TIAM2: variants seen among roughly 807,000 people sequenced by gnomAD.
TIAM2 encodes rho guanine nucleotide exchange factor TIAM2.
TIAM2 carries 80 observed loss-of-function variants against 152.9 expected under a neutral mutation model. The observed-to-expected ratio is 0.52, with a 90% CI of 0.44 to 0.63. The LOEUF is 0.63. Ranked by LOEUF, TIAM2 falls within the 30% of genes least tolerant of loss-of-function variation. The pLI is 0.00. For missense variants in TIAM2, 1,965 were observed against 2,120.1 expected, an observed-to-expected ratio of 0.93 and a Z score of 1.44; for synonymous variants, 804 against 838.0, an observed-to-expected ratio of 0.96 and a Z score of 0.70.
intron 7 of TIAM2, among the ~76,000 whole-genome samples, chr6:155,161,730 GC>G (rs1171104529): frequency 8.5e-6 from 1 of 118,020 alleles, no homozygotes; most frequent in African/African-American, 3.1e-5. Context: ...ACCACACCTG[GC>G]TAATGTTTTT....
At chr6:155,089,547 C>T (rs886300782) in intron 1 of TIAM2, among the ~76,000 whole-genome samples, 1 of 152,310 alleles carries the variant, frequency 6.6e-6, no homozygotes, top group Non-Finnish European at 1.5e-5. Flanking sequence ...TCCTTTGGCA[C>T]TACCCACTTG....
At chr6:155,124,619 C>A (rs1433884782) in intron 2 of TIAM2, among the ~76,000 whole-genome samples, 2 of 152,224 alleles carry the variant, frequency 1.3e-5, no homozygotes, top group Admixed American at 6.5e-5. Flanking sequence ...GCATGAGCCA[C>A]CACACCCAGC....
At position 155,144,657 on chromosome 6, in the gene TIAM2, G is replaced by C; in HGVS notation, c.1682G>C (p.Ser561Thr). 1.2e-6 allele frequency: 2 copies of C among 1,601,730 alleles called. No individual in the cohort carries two copies. The highest frequency in any genetic ancestry group is 1.7e-6 in the Non-Finnish European group (2 of 1,175,612). ...ETYGKNSMDQ[S>T]SAPRCALFAE... The stretch of plus-strand genomic sequence containing the variant: ...TATGGGAAGAATTCCATGGATCAGA[G>C]CAGTGCCCCTCGGTGTGCTCTGTTT... The change falls in exon 6 of 27, where the codon AGC becomes ACC. Residue 561 changes from serine to threonine, a missense_variant. By Grantham distance (58) the Ser-to-Thr change is moderately conservative. Transcript: ENST00000682666.
chr6:155,124,169 C>T (rs967988276), intron 2 of TIAM2, among the ~76,000 whole-genome samples: 3 of 151,842 alleles, frequency 2.0e-5, no homozygotes, highest in Admixed American at 1.3e-4. Context: ...CAGGTGTGTG[C>T]CCTCACACTC....
In TIAM2 at chr6:155,122,501, G is replaced by C. The variant is rs113549618; in HGVS notation, c.-117-4989G>C. Reference sequence around the variant, plus strand: ...GAAGGTAGGATTTTGGGGATTGGGAGGGAATGGAGAATGGATGGTAGGATT... The same window carrying C: ...GAAGGTAGGATTTTGGGGATTGGGACGGAATGGAGAATGGATGGTAGGATT... On this transcript the variant is annotated intron_variant, in intron 2 of 26. Coordinates refer to ENST00000682666, the MANE Select transcript of TIAM2 (RefSeq NM_012454.4). 5.2e-3 allele frequency among the ~76,000 whole-genome samples: 700 copies of C among 135,004 alleles called. 7 individuals carry two copies. Among genetic ancestry groups the C allele is most frequent in the African/African-American group, 0.013 (452 of 34,106 alleles). The allele number at this position is 135,004 out of a possible 152,430, so 88.6% of individuals were successfully genotyped here. A position where few individuals can be genotyped will look rare whatever the true frequency, so the allele number is the denominator to read the frequency against.
At chr6:155,216,358 C>T (rs1781861531) in intron 15 of TIAM2, among the ~76,000 whole-genome samples, 1 of 152,222 alleles carries the variant, frequency 6.6e-6, no homozygotes, top group South Asian at 2.1e-4. Flanking sequence ...GGATATTTTA[C>T]TAACAACTAT....
chr6:155,088,683 C>T (rs1778227172), intron 1 of TIAM2, among the ~76,000 whole-genome samples: 1 of 152,166 alleles, frequency 6.6e-6, no homozygotes, highest in Admixed American at 6.5e-5. Context: ...ATCTCAGTCC[C>T]CTTGCTCTAA....
In TIAM2 at chr6:155,214,411, T is replaced by C. The variant is rs74684117; in HGVS notation, c.3168+3104T>C. On this transcript the variant is annotated intron_variant, in intron 15 of 26. Coordinates refer to ENST00000682666, the MANE Select transcript of TIAM2 (RefSeq NM_012454.4). This position sits in a 1 kb window ranked among gnomAD's most constrained non-coding sequence, Gnocchi z 5.4. Reference sequence around the variant, plus strand: ...TAGAGCCTGCCAGCTTCAGAACGGATGCTTCTGGTTCCGAAGCAGCTGGTT... The same window carrying C: ...TAGAGCCTGCCAGCTTCAGAACGGACGCTTCTGGTTCCGAAGCAGCTGGTT... Among the ~76,000 whole-genome samples, 2,371 of 152,324 alleles carry C rather than the reference T, an allele frequency of 0.016. 59 individuals are homozygous for C. The highest frequency in any genetic ancestry group is 0.054 in the African/African-American group (2,257 of 41,570).
intron 14 of TIAM2, among the ~76,000 whole-genome samples, chr6:155,198,359 G>C (rs1258062643): frequency 6.6e-6 from 1 of 152,180 alleles, no homozygotes; most frequent in African/African-American, 2.4e-5. Context: ...TGAAAGGAAG[G>C]TTGTTAGAAA....
At chr6:155,245,816 G>T (rs556729753) in intron 19 of TIAM2, 85 bp downstream of exon 19, 3 of 915,350 alleles carry the variant, frequency 3.3e-6, no homozygotes, top group South Asian at 3.4e-5. Context: ...TTAACAAGTA[G>T]AGAGTAAGTA....
At chr6:155,173,195 G>GTC (rs67810818) in intron 9 of TIAM2, among the ~76,000 whole-genome samples, 13,734 of 138,080 alleles carry the variant, frequency 0.099, 1,245 homozygotes, top group African/African-American at 0.29. Context: ...GTGTGTGTGT[G>GTC]TGTGTGTCTG....
intron 1 of TIAM2, among the ~76,000 whole-genome samples, chr6:155,063,311 G>A (rs954424956): frequency 1.3e-5 from 2 of 152,114 alleles, no homozygotes; most frequent in Admixed American, 6.5e-5. Flanking sequence ...TGATCATATT[G>A]TGGTAGACCT....
chr6:155,138,365 A>T (rs1779605684), intron 5 of TIAM2, among the ~76,000 whole-genome samples: 1 of 151,728 alleles, frequency 6.6e-6, no homozygotes, highest in African/African-American at 2.4e-5. Context: ...CATCTGGATT[A>T]TTGATTTGTC....
rs1472344405 is a variant in TIAM2 at position 155,256,243 on chromosome 6, C to A, written c.4469-241C>A. 12 of 611,166 alleles carry A rather than the reference C, an allele frequency of 2.0e-5. No individual in the cohort carries two copies. The East Asian group carries it at 3.0e-4, about 15-fold the overall frequency. The allele number at this position is 611,166 out of a possible 1,614,324, so 37.9% of individuals were successfully genotyped here. On this transcript the variant is annotated intron_variant, in intron 26 of 26. Transcript: ENST00000682666. ...AGTTTCTAGTGTCTAGTTCTATTTA[C>A]ATAATTGAGCTCTGGTAATCTAAAA... is the stretch of plus-strand genomic sequence containing the variant.
chr6:155,198,864 C>T (rs752833642), intron 14 of TIAM2, among the ~76,000 whole-genome samples: 37 of 151,952 alleles, frequency 2.4e-4, no homozygotes, highest in Non-Finnish European at 5.1e-4. Flanking sequence ...GTGTGGAGGG[C>T]ACCCTGGGAT....
At chr6:155,205,571 A>C (rs1378241674) in intron 14 of TIAM2, among the ~76,000 whole-genome samples, 1 of 152,150 alleles carries the variant, frequency 6.6e-6, no homozygotes, top group Non-Finnish European at 1.5e-5. Flanking sequence ...TTTCTTGCCT[A>C]GTCTCTTGCT....
At chr6:155,031,409 A>G (rs59844597) in intron 1 of TIAM2, among the ~76,000 whole-genome samples, 2,019 of 152,286 alleles carry the variant, frequency 0.013, 43 homozygotes, top group African/African-American at 0.045. Flanking sequence ...TCAAATTGCA[A>G]AAGAGTTTTT....
chr6:155,086,662 G>A (rs557562159), intron 1 of TIAM2, among the ~76,000 whole-genome samples: 24 of 149,670 alleles, frequency 1.6e-4, no homozygotes, highest in Non-Finnish European at 3.0e-4. Flanking sequence ...AGCTGAGATC[G>A]CGCCACTGTA....
intron 24 of TIAM2, chr6:155,253,764 T>A (rs1783824370): frequency 4.0e-6 from 2 of 498,198 alleles, no homozygotes; most frequent in East Asian, 6.7e-5. Flanking sequence ...TGGAGGAAAA[T>A]CTGCAGCAGG....
Sources: gnomAD v4.1 joint callset for allele counts (sites outside exome capture counted in the v4.1 genomes callset) on GRCh38, gnomAD v4.1.1 for gene constraint, Gnocchi (gnomAD v3.1) non-coding constraint, MANE v1.5 for transcripts, NCBI Gene and HGNC (gene_info 2026-07-23, HGNC 2026-07-21) for gene names.